The following EIF3B variants were observed in gnomAD, a reference collection of about 807,000 sequenced individuals.
EIF3B encodes the protein eukaryotic translation initiation factor 3 subunit 9.
A neutral mutation model predicts 104.6 loss-of-function variants in EIF3B; 10 were observed. That is an observed-to-expected ratio of 0.10 (90% CI 0.06 to 0.16). The LOEUF (loss-of-function observed/expected upper bound fraction) is 0.16, where lower values mean the gene tolerates loss of function less well. EIF3B is among the 10% of genes least tolerant of loss of function. The pLI, the probability that EIF3B is intolerant of heterozygous loss-of-function variation, is 1.00. For synonymous variants in EIF3B, 542 were observed against 417.2 expected (o/e 1.30, Z -3.65); for missense variants, 1,014 against 1,087.9 (o/e 0.93, Z 0.96).
At chr7:2,359,780 G>A (rs1310202568) in intron 1 of EIF3B, among the ~76,000 whole-genome samples, 2 of 152,144 alleles carry the variant, frequency 1.3e-5, no homozygotes, top group Admixed American at 6.5e-5. Flanking sequence ...CTAATTCCTG[G>A]TAGATAGTGT....
At chr7:2,376,918 CTG>C (rs1780662464) in intron 14 of EIF3B, 30 bp from the exon 15 acceptor site, 1 of 1,602,434 alleles carries the variant, frequency 6.2e-7, no homozygotes, top group Non-Finnish European at 8.5e-7. Context: ...TCTGACCCCT[CTG>C]TGTCCTGGTG....
intron 10 of EIF3B, 148 bp downstream of exon 10, chr7:2,369,830 G>A (rs1449094678): frequency 1.4e-6 from 1 of 694,522 alleles, no homozygotes; most frequent in Non-Finnish European, 2.3e-6. Flanking sequence ...AGGCTGTAGT[G>A]CAGGAGTGCG....
upstream of EIF3B, chr7:2,354,797 G>C (rs934496643): frequency 4.1e-6 from 4 of 966,822 alleles, no homozygotes; most frequent in Non-Finnish European, 5.0e-6. Context: ...CCGCCCCGCG[G>C]CCTTGGTGCG....
In EIF3B at chr7:2,355,229, C is replaced by T. The variant is rs758078180; in HGVS notation, c.308C>T (p.Ala103Val). ...TCGCATGCTGAGCCCCCTGTCCCGGCACAGGGCGAGGCCCCAGGAGAGCAG... is the reference window on the plus strand; with the variant it reads ...TCGCATGCTGAGCCCCCTGTCCCGGTACAGGGCGAGGCCCCAGGAGAGCAG... ...PGSHAEPPVP[A>V]QGEAPGEQAR... The change falls in exon 1 of 19, where the codon GCA (alanine) becomes GTA (valine). Residue 103 changes from alanine (A) to valine (V), a missense_variant. Ala to Val is a moderately conservative substitution (Grantham distance 64, BLOSUM62 0). Coordinates refer to ENST00000360876, the MANE Select transcript of EIF3B (RefSeq NM_001037283.2). 2.7e-5 allele frequency: 40 copies of T among 1,503,102 alleles called. No homozygotes were observed. Among genetic ancestry groups the T allele is most frequent in the Non-Finnish European group, 3.3e-5 (37 of 1,134,278 alleles). 93.1% of individuals were successfully genotyped at this position (1,503,102 alleles called of 1,614,324 possible). A position where few individuals can be genotyped will look rare whatever the true frequency, so the allele number is the denominator to read the frequency against.
intron 2 of EIF3B, among the ~76,000 whole-genome samples, chr7:2,362,132 GTA>G (rs1188882800): frequency 6.6e-6 from 1 of 151,772 alleles, no homozygotes; most frequent in African/African-American, 2.4e-5. Flanking sequence ...GCTAATTTTT[GTA>G]TATTTAGCAG....
At chr7:2,356,095 T>A (rs1197937323) in intron 1 of EIF3B, among the ~76,000 whole-genome samples, 1 of 152,242 alleles carries the variant, frequency 6.6e-6, no homozygotes, top group Non-Finnish European at 1.5e-5. Flanking sequence ...CAGAGATTTT[T>A]TCCTGAAGCT....
In EIF3B at chr7:2,355,185, C is replaced by G; in HGVS notation, c.264C>G (p.Ala88=). 6.8e-7 allele frequency: 1 copy of G among 1,471,100 alleles called. No homozygotes were observed. Among genetic ancestry groups the G allele is most frequent in the Non-Finnish European group, 8.9e-7 (1 of 1,120,756 alleles). 91.1% of individuals were successfully genotyped at this position (1,471,100 alleles called of 1,614,324 possible). A position where few individuals can be genotyped will look rare whatever the true frequency, so the allele number is the denominator to read the frequency against. The change falls in exon 1 of 19, where the codon GCC becomes GCG. Residue 88 remains alanine, a synonymous_variant. Transcript: ENST00000360876. ...SGPSESPSPP[A]AEELPGSHAE... ...CGTCCGAGTCGCCCTCGCCGCCGGC[C>G]GCCGAGGAGCTGCCCGGGTCGCATG...
At chr7:2,371,648 C>T in intron 10 of EIF3B, 129 bp from the exon 11 acceptor site, 1 of 740,932 alleles carries the variant, frequency 1.3e-6, no homozygotes, top group East Asian at 2.6e-5. Context: ...GCTTTCATCA[C>T]TGCACATGCT....
intron 1 of EIF3B, among the ~76,000 whole-genome samples, chr7:2,359,211 G>A (rs1251200784): frequency 2.6e-5 from 4 of 152,152 alleles, no homozygotes; most frequent in South Asian, 2.1e-4. Context: ...GGCACTCAGC[G>A]TCTAAACCCT....
intron 6 of EIF3B, among the ~76,000 whole-genome samples, chr7:2,365,003 A>G (rs1289667248): frequency 6.6e-6 from 1 of 152,226 alleles, no homozygotes; most frequent in Non-Finnish European, 1.5e-5. Context: ...GCTTGGCGCC[A>G]CCCAGTGGCA....
chr7:2,375,498 G>A lies in EIF3B; in HGVS notation c.1999G>A (p.Val667Ile), dbSNP rs1433522894. ...ATGGGATCCTACTGGGCGCTACGTCGTCACCTCTGTGTCCTGGTGGAGCCA... is the reference window on the plus strand; with the variant it reads ...ATGGGATCCTACTGGGCGCTACGTCATCACCTCTGTGTCCTGGTGGAGCCA... The part of the protein sequence containing the change: ...VEWDPTGRYV[V>I]TSVSWWSHKV... The change falls in exon 14 of 19, where the codon GTC becomes ATC. Residue 667 changes from valine (V) to isoleucine (I), a missense_variant. Around this residue, in one of 4 missense-constraint regions of EIF3B, gnomAD observed 266 missense variants for 324.0 expected, o/e 0.82. Coordinates refer to ENST00000360876, the MANE Select transcript of EIF3B (RefSeq NM_001037283.2). 23 of 1,614,186 alleles carry A rather than the reference G, an allele frequency of 1.4e-5. No homozygotes were observed. The highest frequency in any genetic ancestry group is 5.0e-5 in the Admixed American group (3 of 60,020).
At chr7:2,367,098 ATACC>A in intron 9 of EIF3B, 53 bp downstream of exon 9, 1 of 1,270,544 alleles carries the variant, frequency 7.9e-7, no homozygotes, top group Non-Finnish European at 1.0e-6. Context: ...GCTTAACACA[ATACC>A]AAAAAAAAAA....
intron 10 of EIF3B, among the ~76,000 whole-genome samples, chr7:2,371,468 C>T (rs1309537818): frequency 4.6e-5 from 7 of 152,220 alleles, no homozygotes; most frequent in Admixed American, 2.0e-4. Context: ...CCCTGGCCTG[C>T]AGCCTGCAGT....
intron 1 of EIF3B, among the ~76,000 whole-genome samples, chr7:2,357,885 C>T (rs183701192): frequency 1.2e-3 from 179 of 152,238 alleles, no homozygotes; most frequent in African/African-American, 4.2e-3. Context: ...TTATTGCAGC[C>T]TTATAAATTC....
At chr7:2,379,286 T>C in intron 17 of EIF3B, 44 bp downstream of exon 17, 3 of 1,578,970 alleles carry the variant, frequency 1.9e-6, no homozygotes, top group Non-Finnish European at 2.6e-6. Context: ...GCCCTTACGC[T>C]GCCCCTGGGC....
At chr7:2,379,289 C>T in intron 17 of EIF3B, 47 bp downstream of exon 17, 1 of 1,571,900 alleles carries the variant, frequency 6.4e-7, no homozygotes, top group Non-Finnish European at 8.7e-7. Context: ...CTTACGCTGC[C>T]CCTGGGCCCT....
chr7:2,360,417 G>A (rs1489469906), intron 1 of EIF3B, among the ~76,000 whole-genome samples: 1 of 152,160 alleles, frequency 6.6e-6, no homozygotes, highest in African/African-American at 2.4e-5. Flanking sequence ...TTTGCATTGT[G>A]CATTGTTAAA....
At chr7:2,379,097 C>G (rs764306247) in intron 16 of EIF3B, 37 bp from the exon 17 acceptor site, 2 of 1,589,330 alleles carry the variant, frequency 1.3e-6, no homozygotes, top group Non-Finnish European at 8.6e-7. Context: ...AGGCACTTGT[C>G]TTACCAGTTC....
rs908878341 is a variant in EIF3B, at chr7:2,362,940, C to T, written c.813-130C>T. 95 of 1,433,128 alleles carry T rather than the reference C, an allele frequency of 6.6e-5. No individual in the cohort carries two copies. In the South Asian group the frequency reaches 9.8e-4, roughly 15 times the overall value. 88.8% of individuals were successfully genotyped at this position (1,433,128 alleles called of 1,614,324 possible). On this transcript the variant is annotated intron_variant, in intron 3 of 18. Transcript: ENST00000360876. ...CCCACACTTCTGGCCTACAGCACCCCTCCCTGTTATGCCAGTCACAGCCCT... is the reference window on the plus strand; with the variant it reads ...CCCACACTTCTGGCCTACAGCACCCTTCCCTGTTATGCCAGTCACAGCCCT...
Sources: gnomAD v4.1 joint callset for allele counts (sites outside exome capture counted in the v4.1 genomes callset) on GRCh38, gnomAD v4.1.1 for gene constraint, gnomAD v4.1.1 regional missense constraint, MANE v1.5 for transcripts, NCBI Gene and HGNC (gene_info 2026-07-23, HGNC 2026-07-21) for gene names.